Variants in AGTPBP1 observed in about 807,000 individuals in gnomAD.
AGTPBP1 encodes the protein cytosolic carboxypeptidase 1.
In AGTPBP1, 70 loss-of-function variants were observed where a neutral mutation model predicts 143.9. The observed-to-expected ratio is 0.49, with a 90% CI of 0.40 to 0.59. The LOEUF (loss-of-function observed/expected upper bound fraction) is 0.59. Among genes scored for constraint, AGTPBP1 ranks in the 20% least tolerant of loss-of-function variants. AGTPBP1 has a pLI of 0.00. For missense variants in AGTPBP1, 1,229 were observed against 1,464.5 expected (o/e 0.84, Z 2.62); for synonymous variants, 463 against 500.2 (o/e 0.93, Z 0.99).
At chr9:85,633,748 C>T (rs1831842200) in intron 13 of AGTPBP1, among the ~76,000 whole-genome samples, 1 of 152,078 alleles carries the variant, frequency 6.6e-6, no homozygotes, top group Non-Finnish European at 1.5e-5. Flanking sequence ...GTCTCAAGCA[C>T]TTAAGACACT....
At chr9:85,657,309 A>T (rs544053832) in intron 10 of AGTPBP1, 126 bp downstream of exon 10, 1 of 859,404 alleles carries the variant, frequency 1.2e-6, no homozygotes, top group East Asian at 2.7e-5. Flanking sequence ...TTTACTTTTA[A>T]GATTTTCGAA....
intron 19 of AGTPBP1, among the ~76,000 whole-genome samples, chr9:85,592,230 A>T (rs1188728441): frequency 6.6e-6 from 1 of 152,060 alleles, no homozygotes; most frequent in East Asian, 1.9e-4. Flanking sequence ...TCAACAAAAG[A>T]TGGGAAGTAA....
At chr9:85,632,478 G>T (rs1278643390) in intron 14 of AGTPBP1, among the ~76,000 whole-genome samples, 184 bp downstream of exon 14, 1 of 152,132 alleles carries the variant, frequency 6.6e-6, no homozygotes, top group Non-Finnish European at 1.5e-5. Flanking sequence ...ATAAGCTCAA[G>T]AAATAAAGTA....
the AGTPBP1 span, among the ~76,000 whole-genome samples, chr9:85,796,912 G>A: frequency 3.3e-5 from 5 of 151,868 alleles, no homozygotes; most frequent in South Asian, 2.1e-4. Flanking sequence ...TCAGCCTCCC[G>A]AGTAGCTGGG....
At chr9:85,609,339 G>A (rs1480827975) in intron 17 of AGTPBP1, among the ~76,000 whole-genome samples, 1 of 148,370 alleles carries the variant, frequency 6.7e-6, no homozygotes, top group Non-Finnish European at 1.5e-5. Flanking sequence ...TGCCCAGGCT[G>A]GAGTGCAATG....
the AGTPBP1 span, among the ~76,000 whole-genome samples, chr9:85,777,758 C>T: frequency 1.3e-5 from 2 of 152,224 alleles, no homozygotes; most frequent in African/African-American, 2.4e-5. Flanking sequence ...TCTTCCAAGT[C>T]CCTGACCATC....
At chr9:85,701,528 C>T (rs1370502504) in intron 2 of AGTPBP1, among the ~76,000 whole-genome samples, 1 of 152,162 alleles carries the variant, frequency 6.6e-6, no homozygotes, top group African/African-American at 2.4e-5. Flanking sequence ...CTGCACCCGG[C>T]CAACTTTTTA....
At chr9:85,605,849 C>CT (rs1460907591) in intron 17 of AGTPBP1, among the ~76,000 whole-genome samples, 3 of 151,956 alleles carry the variant, frequency 2.0e-5, no homozygotes, top group East Asian at 3.9e-4. Flanking sequence ...TAATGGGTTA[C>CT]AAGATGTTAT....
At chr9:85,626,006 C>T (rs1162985828) in intron 14 of AGTPBP1, among the ~76,000 whole-genome samples, 1 of 144,744 alleles carries the variant, frequency 6.9e-6, no homozygotes, top group Non-Finnish European at 1.5e-5. Flanking sequence ...CAAAAAGTGA[C>T]TTCTTCCTAC....
At chr9:85,607,247 A>G (rs1199837329) in intron 17 of AGTPBP1, among the ~76,000 whole-genome samples, 1 of 152,104 alleles carries the variant, frequency 6.6e-6, no homozygotes, top group African/African-American at 2.4e-5. Flanking sequence ...AAGGTCAAAT[A>G]GCACTTTAGA....
chr9:85,556,902 A>T (rs1353718154), intron 25 of AGTPBP1, among the ~76,000 whole-genome samples: 1 of 152,170 alleles, frequency 6.6e-6, no homozygotes. Flanking sequence ...TAGAACAAAC[A>T]GATCCAAAAA....
the AGTPBP1 span, among the ~76,000 whole-genome samples, chr9:85,780,663 G>A: frequency 6.6e-6 from 1 of 152,166 alleles, no homozygotes; most frequent in East Asian, 1.9e-4. Context: ...GTGAGGGTTG[G>A]TAGGGGGTAG....
At chr9:85,731,430 G>A (rs1364438319) in intron 1 of AGTPBP1, among the ~76,000 whole-genome samples, 1 of 151,894 alleles carries the variant, frequency 6.6e-6, no homozygotes, top group African/African-American at 2.4e-5. Flanking sequence ...TTTTTTTCGG[G>A]GAGGGAAGTG....
rs553639433 is a variant in AGTPBP1, at chr9:85,595,894, G to A, written c.2423+468C>T. Among the ~76,000 whole-genome samples the A allele has an allele frequency of 2.0e-4, 31 of 152,280 alleles. No individual in the cohort carries two copies. In the South Asian group the frequency reaches 5.6e-3, roughly 27 times the overall value. On this transcript the variant is annotated intron_variant, in intron 18 of 25. Coordinates refer to ENST00000357081, the MANE Select transcript of AGTPBP1 (RefSeq NM_001330701.2). ...TACAGTCAAAGATGAACTGTGTTAA[G>A]CTGATGTACTGTATTTGGAACACAT... is the stretch of plus-strand genomic sequence containing the variant.
At chr9:85,549,383 G>A (rs904851311) in intron 25 of AGTPBP1, among the ~76,000 whole-genome samples, 1 of 152,120 alleles carries the variant, frequency 6.6e-6, no homozygotes, top group African/African-American at 2.4e-5. Flanking sequence ...AGGGAAGCAC[G>A]CATCGTTCAA....
At position 85,585,452 on chromosome 9, in the gene AGTPBP1, G is replaced by A. The variant is rs757302295; in HGVS notation, c.3165+11C>T. The A allele has an allele frequency of 3.2e-6, 5 of 1,574,322 alleles. No individual in the cohort carries two copies. The highest frequency in any genetic ancestry group is 3.4e-6 in the Non-Finnish European group (4 of 1,162,386). On this transcript the variant is annotated intron_variant, in intron 23 of 25. Coordinates refer to ENST00000357081, the MANE Select transcript of AGTPBP1 (RefSeq NM_001330701.2). ...AAATTCAAAAACTTATGAATCATCT[G>A]TAATAATTACCCTGTATCCCGTATC...
chr9:85,750,626 T>C, the AGTPBP1 span, among the ~76,000 whole-genome samples: 1 of 152,180 alleles, frequency 6.6e-6, no homozygotes, highest in Non-Finnish European at 1.5e-5. Context: ...CCAGTGTATG[T>C]TGTAGTTGGG....
the AGTPBP1 span, among the ~76,000 whole-genome samples, chr9:85,797,486 G>A: frequency 3.9e-5 from 6 of 152,088 alleles, no homozygotes; most frequent in Non-Finnish European, 7.4e-5. Context: ...TGTTCAAAAG[G>A]TTCAGACATA....
At chr9:85,782,285 C>A in the AGTPBP1 span, among the ~76,000 whole-genome samples, 1 of 152,164 alleles carries the variant, frequency 6.6e-6, no homozygotes, top group Admixed American at 6.5e-5. Context: ...GAGGCCAAGG[C>A]GGGTGGATCA....
Sources: gnomAD v4.1 joint callset for allele counts (sites outside exome capture counted in the v4.1 genomes callset) on GRCh38, gnomAD v4.1.1 for gene constraint, MANE v1.5 for transcripts, NCBI Gene and HGNC (gene_info 2026-07-23, HGNC 2026-07-21) for gene names.